The following LRRC37A2 variants were observed in gnomAD, a reference collection of about 807,000 sequenced individuals.
LRRC37A2 encodes leucine rich repeat containing 37 member A2.
Under a neutral mutation model 68.8 loss-of-function variants are expected in LRRC37A2, and 9 were observed. That is an observed-to-expected ratio of 0.13 (90% CI 0.08 to 0.23). The LOEUF (loss-of-function observed/expected upper bound fraction) is 0.23. LRRC37A2 is among the 10% of genes least tolerant of loss of function. The pLI is 1.00. For synonymous variants in LRRC37A2, 63 were observed against 367.6 expected (o/e 0.17, Z 9.48); for missense variants, 168 against 950.4 (o/e 0.18, Z 10.82).
the LRRC37A2 span, among the ~76,000 whole-genome samples, chr17:46,806,313 G>A: frequency 7.6e-5 from 11 of 144,048 alleles, no homozygotes; most frequent in South Asian, 2.2e-4. Context: ...CGGTTGAAGC[G>A]ATTCTCCTTT....
At chr17:46,733,948 G>T in the LRRC37A2 span, among the ~76,000 whole-genome samples, 1 of 152,202 alleles carries the variant, frequency 6.6e-6, no homozygotes, top group Non-Finnish European at 1.5e-5. Flanking sequence ...AAAGCTTGGA[G>T]GACCTAAGGT....
At chr17:46,850,515 T>G in the LRRC37A2 span, among the ~76,000 whole-genome samples, 1 of 152,208 alleles carries the variant, frequency 6.6e-6, no homozygotes, top group South Asian at 2.1e-4. Context: ...CGCAGTCACT[T>G]GATGTTCCCT....
chr17:46,825,865 A>C, the LRRC37A2 span, among the ~76,000 whole-genome samples: 5 of 152,232 alleles, frequency 3.3e-5, no homozygotes, highest in African/African-American at 1.2e-4. Flanking sequence ...CTCTACTAAA[A>C]ATACAAAATT....
chr17:46,894,721 C>T, the LRRC37A2 span, among the ~76,000 whole-genome samples: 12 of 152,352 alleles, frequency 7.9e-5, no homozygotes, highest in East Asian at 1.7e-3. Flanking sequence ...TCACTCCCCC[C>T]ACCTGGCGTT....
chr17:46,974,913 C>T, the LRRC37A2 span, among the ~76,000 whole-genome samples: 1 of 151,290 alleles, frequency 6.6e-6, no homozygotes, highest in Admixed American at 6.6e-5. Context: ...ATTAGGCATT[C>T]GCTACTATTT....
the LRRC37A2 span, among the ~76,000 whole-genome samples, chr17:46,980,371 CTTCTTTCTCTTCT>C: frequency 2.0e-5 from 3 of 146,486 alleles, no homozygotes; most frequent in Admixed American, 6.8e-5. Context: ...TCTTTCTCTT[CTTCTTTCTCTTCT>C]TTCTTTCTCT....
chr17:47,021,479 A>G, the LRRC37A2 span: 1 of 282,210 alleles, frequency 3.5e-6, no homozygotes, highest in Non-Finnish European at 6.1e-6. Flanking sequence ...TTTGTTGATA[A>G]TGATAAGCTT....
At chr17:46,558,258 C>G (rs1255759817), downstream of LRRC37A2, among the ~76,000 whole-genome samples, 1 of 106,202 alleles carries the variant, frequency 9.4e-6, no homozygotes, top group Non-Finnish European at 1.8e-5. Flanking sequence ...TGGGGTTTCA[C>G]CATGTTGGTC....
chr17:46,820,684 C>A, the LRRC37A2 span, among the ~76,000 whole-genome samples: 1 of 152,168 alleles, frequency 6.6e-6, no homozygotes, highest in African/African-American at 2.4e-5. Flanking sequence ...AGGACCAAGG[C>A]TCTGGCAGTG....
chr17:46,766,168 AG>A, the LRRC37A2 span, among the ~76,000 whole-genome samples: 14 of 152,232 alleles, frequency 9.2e-5, no homozygotes, highest in African/African-American at 3.4e-4. Flanking sequence ...CAGCACTTTG[AG>A]GGGCCAAGAC....
At chr17:47,026,422 A>G in the LRRC37A2 span, among the ~76,000 whole-genome samples, 1 of 152,196 alleles carries the variant, frequency 6.6e-6, no homozygotes. Context: ...AGTCGTTGAG[A>G]GGGCACGTTA....
At chr17:46,804,925 C>T in the LRRC37A2 span, among the ~76,000 whole-genome samples, 1 of 140,726 alleles carries the variant, frequency 7.1e-6, no homozygotes, top group South Asian at 2.7e-4. Context: ...GCCCACCCCC[C>T]CCACCCCCAA....
the LRRC37A2 span, among the ~76,000 whole-genome samples, chr17:46,836,981 C>T: frequency 4.3e-4 from 66 of 152,138 alleles, no homozygotes; most frequent in African/African-American, 1.5e-3. Flanking sequence ...CTCGCTCTGT[C>T]GCCCAGGCTG....
the LRRC37A2 span, among the ~76,000 whole-genome samples, chr17:46,958,316 C>A: frequency 2.0e-5 from 3 of 152,202 alleles, no homozygotes; most frequent in Non-Finnish European, 4.4e-5. Context: ...CACAATAATT[C>A]AAGACAGGAT....
the LRRC37A2 span, chr17:46,872,547 C>T: frequency 1.3e-6 from 2 of 1,571,516 alleles, no homozygotes; most frequent in Non-Finnish European, 1.7e-6. Flanking sequence ...TGACGCCCTT[C>T]CCAGGATTGG....
the LRRC37A2 span, among the ~76,000 whole-genome samples, chr17:46,494,954 T>C: frequency 1.3e-5 from 2 of 150,880 alleles, no homozygotes; most frequent in African/African-American, 5.0e-5. Flanking sequence ...TGCCCATGAA[T>C]CAACTTGTCT....
chr17:46,864,870 C>G, the LRRC37A2 span, among the ~76,000 whole-genome samples: 1 of 152,194 alleles, frequency 6.6e-6, no homozygotes, highest in Non-Finnish European at 1.5e-5. Context: ...CTTCCCCGCA[C>G]AGCCTCCAGG....
chr17:46,966,118 G>A, the LRRC37A2 span, among the ~76,000 whole-genome samples: 5,992 of 151,910 alleles, frequency 0.039, 236 homozygotes, highest in African/African-American at 0.1. Context: ...CTTCATCATC[G>A]TCACCAGTAG....
chr17:46,818,902 A>G, the LRRC37A2 span: 3 of 470,100 alleles, frequency 6.4e-6, no homozygotes, highest in Non-Finnish European at 1.1e-5. Flanking sequence ...CGCCCAGCAA[A>G]CTTGGGCAAA....
Sources: gnomAD v4.1 joint callset for allele counts (sites outside exome capture counted in the v4.1 genomes callset) on GRCh38, gnomAD v4.1.1 for gene constraint, MANE v1.5 for transcripts, NCBI Gene and HGNC (gene_info 2026-07-23, HGNC 2026-07-21) for gene names.